The following ADAMTS9 variants were observed in gnomAD, a reference collection of about 807,000 sequenced individuals.
The protein encoded by ADAMTS9 is ADAM metallopeptidase with thrombospondin type 1 motif 9, also known as A disintegrin and metalloproteinase with thrombospondin motifs 9.
Under a neutral mutation model 257.1 loss-of-function variants are expected in ADAMTS9, and 107 were observed. That is an observed-to-expected ratio of 0.42 (90% CI 0.36 to 0.49). The LOEUF (loss-of-function observed/expected upper bound fraction) is 0.49. Among genes scored for constraint, ADAMTS9 ranks in the 20% least tolerant of loss-of-function variants. The pLI, the probability that ADAMTS9 is intolerant of heterozygous loss-of-function variation, is 0.03. For missense variants in ADAMTS9, 2,353 were observed against 2,469.1 expected (o/e 0.95, Z 1.00); for synonymous variants, 982 against 880.9 (o/e 1.11, Z -2.03).
chr3:64,641,972 C>T lies in ADAMTS9; in HGVS notation c.1732G>A (p.Val578Ile), dbSNP rs775337770. 9.9e-6 allele frequency: 16 copies of T among 1,613,956 alleles called. No homozygotes were observed. In the South Asian group the frequency reaches 1.8e-4, roughly 18 times the overall value. ...PGKHCKYGFC[V>I]PKEMDVPVTD... The stretch of plus-strand genomic sequence containing the variant: ...ACGGGGACATCCATTTCTTTGGGAA[C>T]ACAAAATCCATACTTGCAGTGCTGT... The change falls in exon 12 of 40, where the codon GTT (valine) becomes ATT (isoleucine). Residue 578 changes from valine to isoleucine, a missense_variant. Val to Ile is a conservative substitution (Grantham distance 29, BLOSUM62 3). This residue lies in a region of ADAMTS9 where 360 missense variants were observed against 458.1 expected (regional missense o/e 0.79). Transcript: ENST00000498707.
intron 36 of ADAMTS9, among the ~76,000 whole-genome samples, chr3:64,539,981 A>T (rs2083099657): frequency 6.6e-6 from 1 of 152,238 alleles, no homozygotes; most frequent in Non-Finnish European, 1.5e-5. Context: ...ATCCTGCAAA[A>T]GCTGTCTGCC....
At position 64,649,792 on chromosome 3, in the gene ADAMTS9, C is replaced by T. The variant is rs199700073; in HGVS notation, c.1464-14G>A. On this transcript the variant is annotated splice_polypyrimidine_tract_variant and intron_variant, in intron 9 of 39. Transcript: ENST00000498707. ...CCATAACCAGTGCTACGGAAACACACAGAAACACACAGATGGTGAGAACGG... is the reference window on the plus strand; with the variant it reads ...CCATAACCAGTGCTACGGAAACACATAGAAACACACAGATGGTGAGAACGG... 1.9e-5 allele frequency: 30 copies of T among 1,607,446 alleles called. No individual in the cohort carries two copies. In the East Asian group the frequency reaches 5.4e-4, roughly 29 times the overall value.
At chr3:64,567,702 C>A (rs925601430) in intron 29 of ADAMTS9, among the ~76,000 whole-genome samples, 3 of 152,002 alleles carry the variant, frequency 2.0e-5, no homozygotes, top group African/African-American at 7.3e-5. Context: ...TACTCACACC[C>A]TTCTCCATCC....
chr3:64,632,363 C>T (rs976653291), intron 14 of ADAMTS9, among the ~76,000 whole-genome samples: 1 of 152,170 alleles, frequency 6.6e-6, no homozygotes, highest in African/African-American at 2.4e-5. Flanking sequence ...AGCTGCTGTC[C>T]ACTCCAGACT....
intron 28 of ADAMTS9, among the ~76,000 whole-genome samples, chr3:64,576,723 T>A (rs1007714012): frequency 6.6e-6 from 1 of 152,112 alleles, no homozygotes; most frequent in African/African-American, 2.4e-5. Flanking sequence ...CATTAGGCCA[T>A]CCTCCCATCC....
At chr3:64,547,179 C>G (rs2083211395) in intron 31 of ADAMTS9, among the ~76,000 whole-genome samples, 1 of 152,186 alleles carries the variant, frequency 6.6e-6, no homozygotes, top group South Asian at 2.1e-4. Context: ...TCTTCTCAGC[C>G]CCCACTGCAG....
intron 28 of ADAMTS9, 113 bp from the exon 29 acceptor site, chr3:64,568,648 C>T (rs1305952867): frequency 1.6e-6 from 2 of 1,272,988 alleles, no homozygotes; most frequent in African/African-American, 1.5e-5. Context: ...TACCATTCCC[C>T]TCTTTTACAG....
At chr3:64,594,504 A>G (rs539146344) in intron 27 of ADAMTS9, 70 bp from the exon 28 acceptor site, 1 of 1,565,946 alleles carries the variant, frequency 6.4e-7, no homozygotes, top group East Asian at 2.3e-5. Flanking sequence ...CTTTCTCCCT[A>G]ATTTCTTAGC....
chr3:64,604,387 A>T (rs2084522434), intron 23 of ADAMTS9, 56 bp from the exon 24 acceptor site: 3 of 1,265,538 alleles, frequency 2.4e-6, no homozygotes, highest in African/African-American at 1.5e-5. Flanking sequence ...TGCACTTTCA[A>T]GGTAATGGTC....
Position 64,686,196 on chromosome 3 carries a change from G to C in ADAMTS9, c.516+372C>G, listed in dbSNP as rs138509031. On this transcript the variant is annotated intron_variant, in intron 2 of 39. Coordinates refer to ENST00000498707, the MANE Select transcript of ADAMTS9 (RefSeq NM_182920.2). The surrounding 1 kb of genome is among the most constrained non-coding windows in gnomAD (Gnocchi z 4.6). Reference sequence around the variant, plus strand: ...CAATAAGGAGTCTGGTCCGCCCTGCGCTCAGCGGCTCCGCTCCCGGGTGGC... The same window carrying C: ...CAATAAGGAGTCTGGTCCGCCCTGCCCTCAGCGGCTCCGCTCCCGGGTGGC... Among the ~76,000 whole-genome samples, 401 of 152,362 alleles carry C rather than the reference G, an allele frequency of 2.6e-3. 1 individual carries two copies. The highest frequency in any genetic ancestry group is 4.5e-3 in the Non-Finnish European group (304 of 68,036).
At chr3:64,581,562 T>A (rs2106744892) in intron 28 of ADAMTS9, among the ~76,000 whole-genome samples, 1 of 152,242 alleles carries the variant, frequency 6.6e-6, no homozygotes, top group East Asian at 1.9e-4. Flanking sequence ...TTCTCATTTT[T>A]TAGGGATTCT....
chr3:64,639,584 T>G (rs1027169053), intron 12 of ADAMTS9, among the ~76,000 whole-genome samples: 3 of 152,124 alleles, frequency 2.0e-5, no homozygotes, highest in Non-Finnish European at 4.4e-5. Context: ...GGCCAAACAC[T>G]TCTTTTGAAT....
At chr3:64,601,336 G>A (rs938146853) in intron 26 of ADAMTS9, among the ~76,000 whole-genome samples, 2 of 152,096 alleles carry the variant, frequency 1.3e-5, no homozygotes, top group South Asian at 4.1e-4. Context: ...AGAGGAGAAG[G>A]GACCTGCAGA....
chr3:64,541,481 A>G, intron 34 of ADAMTS9, 45 bp downstream of exon 34: 1 of 1,605,802 alleles, frequency 6.2e-7, no homozygotes, highest in South Asian at 1.1e-5. Flanking sequence ...GTGATCACTC[A>G]CTCTAAAAAC....
At position 64,637,931 on chromosome 3, in the gene ADAMTS9, C is replaced by T. The variant is rs1700540922; in HGVS notation, c.1856+3917G>A. ...GTAACCAATTCTCAACATTTCGAAACAACTTCATCCAAACTGAGTGCCTCA... is the reference window on the plus strand; with the variant it reads ...GTAACCAATTCTCAACATTTCGAAATAACTTCATCCAAACTGAGTGCCTCA... On this transcript the variant is annotated intron_variant, in intron 12 of 39. Transcript: ENST00000498707. Among the ~76,000 whole-genome samples, 3 of 152,278 alleles carry T rather than the reference C, an allele frequency of 2.0e-5. No homozygotes were observed. In the South Asian group the frequency reaches 6.2e-4, roughly 32 times the overall value.
In ADAMTS9 at chr3:64,633,888, G is replaced by C. The variant is rs367654412; in HGVS notation, c.1857-9C>G. 41 of 1,602,900 alleles carry C rather than the reference G, an allele frequency of 2.6e-5. No individual in the cohort carries two copies. The African/African-American group carries it at 3.9e-4, about 15-fold the overall frequency. ...TTCCACCATTTTTTGGTCTGAAAAAGAAAAAATGTGAAGAGCACACACACT... is the reference window on the plus strand; with the variant it reads ...TTCCACCATTTTTTGGTCTGAAAAACAAAAAATGTGAAGAGCACACACACT... On this transcript the variant is annotated splice_polypyrimidine_tract_variant and intron_variant, in intron 12 of 39. Transcript: ENST00000498707.
At chr3:64,555,177 A>G (rs1249231113) in intron 30 of ADAMTS9, among the ~76,000 whole-genome samples, 2 of 152,230 alleles carry the variant, frequency 1.3e-5, no homozygotes, top group Non-Finnish European at 2.9e-5. Context: ...CATGAGAAGC[A>G]GCAATGACAA....
chr3:64,682,527 T>C (rs1327180579), intron 2 of ADAMTS9, among the ~76,000 whole-genome samples: 1 of 152,154 alleles, frequency 6.6e-6, no homozygotes, highest in Non-Finnish European at 1.5e-5. Context: ...AAATTCCCCA[T>C]GCCAAGTTGC....
At chr3:64,556,185 C>T (rs920393318) in intron 30 of ADAMTS9, among the ~76,000 whole-genome samples, 1 of 152,144 alleles carries the variant, frequency 6.6e-6, no homozygotes, top group Non-Finnish European at 1.5e-5. Flanking sequence ...GTCCCCATAC[C>T]GCACCAAACA....
Sources: gnomAD v4.1 joint callset for allele counts (sites outside exome capture counted in the v4.1 genomes callset) on GRCh38, gnomAD v4.1.1 for gene constraint, gnomAD v4.1.1 regional missense constraint, Gnocchi (gnomAD v3.1) non-coding constraint, MANE v1.5 for transcripts, NCBI Gene and HGNC (gene_info 2026-07-23, HGNC 2026-07-21) for gene names.